The following SLC9A9 variants were observed in gnomAD, a reference collection of about 807,000 sequenced individuals.
SLC9A9 encodes the protein solute carrier family 9 member A9, also known as sodium/hydrogen exchanger 9.
In SLC9A9, 62 loss-of-function variants were observed where a neutral mutation model predicts 77.8. The ratio of observed to expected loss-of-function variants is 0.80; its 90% confidence interval spans 0.65 to 0.98. SLC9A9 has a LOEUF of 0.98. Among genes scored for constraint, SLC9A9 ranks in the 50% least tolerant of loss-of-function variants. The pLI, the probability that SLC9A9 is intolerant of heterozygous loss-of-function variation, is 0.00. For synonymous variants in SLC9A9, 320 were observed against 283.5 expected, an observed-to-expected ratio of 1.13 and a Z score of -1.29; for missense variants, 775 against 774.9, an observed-to-expected ratio of 1.00 and a Z score of 0.00.
In SLC9A9 at chr3:143,578,579, G is replaced by A; in HGVS notation, c.894+6C>T. 6.2e-7 allele frequency: 1 copy of A among 1,613,830 alleles called. No homozygotes were observed. The highest frequency in any genetic ancestry group is 1.7e-4 in the Middle Eastern group (1 of 6,058). On this transcript the variant is annotated splice_donor_region_variant and intron_variant, in intron 7 of 15. Coordinates refer to ENST00000316549, the MANE Select transcript of SLC9A9 (RefSeq NM_173653.4). Reference sequence around the variant, plus strand: ...TCCCAGCTTTCCACATACAGACAAAGGATATCAGTGCTGTGATGATGGCAT... The same window carrying A: ...TCCCAGCTTTCCACATACAGACAAAAGATATCAGTGCTGTGATGATGGCAT...
chr3:143,768,164 G>T (rs542798904), intron 4 of SLC9A9, among the ~76,000 whole-genome samples: 1 of 152,098 alleles, frequency 6.6e-6, no homozygotes, highest in Non-Finnish European at 1.5e-5. Context: ...AGACACCCAG[G>T]GTACACATAT....
chr3:143,785,392 C>T (rs1464697402), intron 4 of SLC9A9, among the ~76,000 whole-genome samples: 2 of 152,138 alleles, frequency 1.3e-5, no homozygotes. Flanking sequence ...CCACCTGTGC[C>T]CCCCAGAACA....
chr3:143,469,198 C>T (rs1177693165), intron 11 of SLC9A9, among the ~76,000 whole-genome samples: 1 of 151,920 alleles, frequency 6.6e-6, no homozygotes, highest in African/African-American at 2.4e-5. Flanking sequence ...AATACTAGAA[C>T]TTGAAATCGA....
chr3:143,364,353 T>C (rs554202714), intron 13 of SLC9A9, among the ~76,000 whole-genome samples: 1 of 152,250 alleles, frequency 6.6e-6, no homozygotes, highest in African/African-American at 2.4e-5. Flanking sequence ...TTTCAATCAG[T>C]TGTAATTATC....
chr3:143,398,333 C>T (rs913926566), intron 12 of SLC9A9, among the ~76,000 whole-genome samples: 2 of 152,106 alleles, frequency 1.3e-5, no homozygotes, highest in Non-Finnish European at 2.9e-5. Context: ...ACAAGTGAAT[C>T]AGACTTATTC....
intron 12 of SLC9A9, among the ~76,000 whole-genome samples, chr3:143,432,433 G>A (rs62267816): frequency 3.3e-5 from 5 of 152,274 alleles, no homozygotes; most frequent in African/African-American, 9.6e-5. Flanking sequence ...CAGGAAAAAT[G>A]AGAACTGCAA....
At chr3:143,291,400 G>A (rs953205474) in intron 14 of SLC9A9, among the ~76,000 whole-genome samples, 2 of 152,198 alleles carry the variant, frequency 1.3e-5, no homozygotes, top group African/African-American at 4.8e-5. Flanking sequence ...GGTGGTGGAA[G>A]GCCGGGAGGC....
At chr3:143,561,158 G>A (rs1346950096) in intron 8 of SLC9A9, among the ~76,000 whole-genome samples, 1 of 152,168 alleles carries the variant, frequency 6.6e-6, no homozygotes, top group Non-Finnish European at 1.5e-5. Flanking sequence ...TCCAGCCTGG[G>A]CAATAAGAGT....
At chr3:143,759,273 C>G (rs566888462) in intron 4 of SLC9A9, among the ~76,000 whole-genome samples, 4 of 152,098 alleles carry the variant, frequency 2.6e-5, no homozygotes, top group Non-Finnish European at 5.9e-5. Flanking sequence ...TGTGTCCTGT[C>G]CCCTCCCCAG....
intron 7 of SLC9A9, among the ~76,000 whole-genome samples, chr3:143,576,892 A>T (rs2037368590): frequency 6.6e-6 from 1 of 152,116 alleles, no homozygotes; most frequent in Admixed American, 6.5e-5. Context: ...GTCAATGGAG[A>T]TGCCATTTTA....
chr3:143,760,807 C>T (rs2007095360), intron 4 of SLC9A9, among the ~76,000 whole-genome samples: 1 of 152,186 alleles, frequency 6.6e-6, no homozygotes, highest in Admixed American at 6.5e-5. Flanking sequence ...CATCAAGCTA[C>T]CAATGACTTT....
At chr3:143,441,631 G>T (rs555632014) in intron 12 of SLC9A9, among the ~76,000 whole-genome samples, 3 of 150,606 alleles carry the variant, frequency 2.0e-5, no homozygotes, top group East Asian at 3.9e-4. Context: ...TTTTCCAGAA[G>T]AAAAAAACCT....
At chr3:143,639,159 T>A (rs2038579326) in intron 6 of SLC9A9, among the ~76,000 whole-genome samples, 1 of 152,236 alleles carries the variant, frequency 6.6e-6, no homozygotes. Flanking sequence ...TGTCTTTTTG[T>A]TTAGCTGCAC....
chr3:143,391,061 G>A (rs940048912), intron 12 of SLC9A9, among the ~76,000 whole-genome samples: 4 of 152,234 alleles, frequency 2.6e-5, no homozygotes, highest in Non-Finnish European at 4.4e-5. Context: ...AGAATCCTCT[G>A]CAGACTTAAA....
At chr3:143,480,370 A>C (rs1465249950) in intron 11 of SLC9A9, among the ~76,000 whole-genome samples, 1 of 152,242 alleles carries the variant, frequency 6.6e-6, no homozygotes, top group Non-Finnish European at 1.5e-5. Flanking sequence ...TCATAATCAC[A>C]TAACCTTTTC....
intron 14 of SLC9A9, among the ~76,000 whole-genome samples, chr3:143,293,791 T>C (rs1243597880): frequency 6.6e-6 from 1 of 152,158 alleles, no homozygotes; most frequent in African/African-American, 2.4e-5. Flanking sequence ...TATGATCAGA[T>C]TTTAAAATAA....
intron 4 of SLC9A9, among the ~76,000 whole-genome samples, chr3:143,720,915 A>G (rs1934481111): frequency 6.6e-6 from 1 of 151,174 alleles, no homozygotes; most frequent in Non-Finnish European, 1.5e-5. Flanking sequence ...ATTTTCCTTA[A>G]GCCTTATATG....
At chr3:143,542,268 A>G (rs1239918912) in intron 9 of SLC9A9, among the ~76,000 whole-genome samples, 3 of 152,240 alleles carry the variant, frequency 2.0e-5, no homozygotes, top group Admixed American at 2.0e-4. Context: ...TATAAATTCA[A>G]CCCTTCTAGG....
chr3:143,443,854 C>T (rs1052262396), intron 12 of SLC9A9, among the ~76,000 whole-genome samples: 13 of 150,848 alleles, frequency 8.6e-5, no homozygotes, highest in African/African-American at 1.7e-4. Context: ...GTTTTCTTGG[C>T]CAGGAAACAA....
Sources: allele counts gnomAD v4.1 joint callset (sites outside exome capture counted in the v4.1 genomes callset), GRCh38; gene constraint gnomAD v4.1.1; transcripts MANE v1.5; gene names NCBI Gene and HGNC (gene_info 2026-07-23, HGNC 2026-07-21).